The following CPLX3 variants were observed in gnomAD, a reference collection of about 807,000 sequenced individuals.
CPLX3 encodes complexin 3.
In CPLX3, 12 loss-of-function variants were observed where a neutral mutation model predicts 17.2. The observed-to-expected ratio is 0.70, with a 90% CI of 0.45 to 1.13. The LOEUF is 1.13. Ranked by LOEUF, CPLX3 falls within the 50% of genes most tolerant of loss-of-function variation. The pLI, the probability that CPLX3 is intolerant of heterozygous loss-of-function variation, is 0.00. For synonymous variants in CPLX3, 75 were observed against 79.4 expected (o/e 0.94, Z 0.29); for missense variants, 172 against 203.2 (o/e 0.85, Z 0.93).
At position 74,826,630 on chromosome 15, in the gene CPLX3, G is replaced by C; in HGVS notation, c.-74G>C. On this transcript the variant is annotated 5_prime_UTR_variant, in exon 1 of 3. Coordinates refer to ENST00000395018, the MANE Select transcript of CPLX3 (RefSeq NM_001030005.3). The surrounding 1 kb of genome is among the most constrained non-coding windows in gnomAD (Gnocchi z 5.0). Reference sequence around the variant, plus strand: ...GCGGGAGCTGTCCGCGAAACCTAGTGCTGAAGTAGGCGCGGACGTGCCCGG... The same window carrying C: ...GCGGGAGCTGTCCGCGAAACCTAGTCCTGAAGTAGGCGCGGACGTGCCCGG... The C allele has an allele frequency of 6.7e-7, 1 of 1,498,002 alleles. No homozygotes were observed. The highest frequency in any genetic ancestry group is 8.9e-7 in the Non-Finnish European group (1 of 1,117,354). 92.8% of individuals were successfully genotyped at this position (1,498,002 alleles called of 1,614,324 possible). A position where few individuals can be genotyped will look rare whatever the true frequency, so the allele number is the denominator to read the frequency against.
At position 74,830,184 on chromosome 15, in the gene CPLX3, C is replaced by A. The variant is rs140289965; in HGVS notation, c.307C>A (p.Arg103=). The A allele has an allele frequency of 1.8e-3, 2,981 of 1,613,860 alleles. 8 individuals are homozygous for A. Among genetic ancestry groups the A allele is most frequent in the Non-Finnish European group, 2.4e-3 (2,824 of 1,179,992 alleles). ...GGCAGGTGGAGACGTGGAGCTGCCC[C>A]GGGAGCTGGCCAAGATGATCGAGGA... is the stretch of plus-strand genomic sequence containing the variant. ...QMAGGDVELP[R]ELAKMIEEDT... The change falls in exon 3 of 3, where the codon CGG becomes AGG. Residue 103 remains arginine, a synonymous_variant. Coordinates refer to ENST00000395018, the MANE Select transcript of CPLX3 (RefSeq NM_001030005.3).
rs1001954445 is a variant in CPLX3, at chr15:74,826,764, G to A, written c.61G>A (p.Gly21Arg). The change falls in exon 1 of 3, where the codon GGA (glycine) becomes AGA (arginine). Residue 21 changes from glycine to arginine, a missense_variant. Physicochemically the swap from Gly to Arg is moderately radical, Grantham distance 125 (BLOSUM62 -2). Transcript: ENST00000395018. The surrounding 1 kb of genome is among the most constrained non-coding windows in gnomAD (Gnocchi z 5.0). Reference sequence around the variant, plus strand: ...GCTGAAGAACCTCACTGGGAGCCTGGGAGGCGGCGAGGATAAGGGAGATGG... The same window carrying A: ...GCTGAAGAACCTCACTGGGAGCCTGAGAGGCGGCGAGGATAAGGGAGATGG... ...GQLKNLTGSL[G>R]GGEDKGDGDK... is the part of the protein sequence containing the mutation. 6.2e-7 allele frequency: 1 copy of A among 1,610,844 alleles called. No homozygotes were observed. Among genetic ancestry groups the A allele is most frequent in the Non-Finnish European group, 8.5e-7 (1 of 1,178,512 alleles).
chr15:74,830,009 A>AG (rs1792493343), intron 2 of CPLX3, 121 bp from the exon 3 acceptor site: 2 of 735,800 alleles, frequency 2.7e-6, no homozygotes, highest in African/African-American at 3.6e-5. Flanking sequence ...AAAAAAAAAA[A>AG]AAAAGAAAAA....
rs2063961311 is a variant in CPLX3 at position 74,830,024 on chromosome 15, A to C, written c.253-106A>C. The C allele has an allele frequency of 6.6e-6, 5 of 761,500 alleles. No individual in the cohort carries two copies. In the South Asian group the frequency reaches 9.4e-5, roughly 14 times the overall value. The allele number at this position is 761,500 out of a possible 1,614,324, so 47.2% of individuals were successfully genotyped here. A position where few individuals can be genotyped will look rare whatever the true frequency, so the allele number is the denominator to read the frequency against. On this transcript the variant is annotated intron_variant, in intron 2 of 2. Coordinates refer to ENST00000395018, the MANE Select transcript of CPLX3 (RefSeq NM_001030005.3). ...AAAAAAAAAAAAAAAGAAAAAATAG[A>C]ATCTAGGGGCCTGGAACCCAGTCCA... is the stretch of plus-strand genomic sequence containing the variant.
rs2063967635 is a variant in CPLX3, at chr15:74,831,183, A to G, written c.*829A>G. ...CTGTAGAACGCTCTCTGGATTCCAT[A>G]GCTGGAATCTCCTCTCTTAGCTCAG... On this transcript the variant is annotated 3_prime_UTR_variant, in exon 3 of 3. Coordinates refer to ENST00000395018, the MANE Select transcript of CPLX3 (RefSeq NM_001030005.3). 1 of 152,652 alleles carries G rather than the reference A, an allele frequency of 6.6e-6. No individual in the cohort carries two copies. 9.5% of individuals were successfully genotyped at this position (152,652 alleles called of 1,614,324 possible).
At chr15:74,827,813 C>T (rs2063950427) in intron 1 of CPLX3, among the ~76,000 whole-genome samples, 1 of 152,214 alleles carries the variant, frequency 6.6e-6, no homozygotes, top group South Asian at 2.1e-4. Context: ...GACAGACTGC[C>T]ACCCTGGTTC....
chr15:74,826,641 C>T lies in CPLX3; in HGVS notation c.-63C>T. ...CCGCGAAACCTAGTGCTGAAGTAGGCGCGGACGTGCCCGGTGCCTGGCGCG... is the reference window on the plus strand; with the variant it reads ...CCGCGAAACCTAGTGCTGAAGTAGGTGCGGACGTGCCCGGTGCCTGGCGCG... On this transcript the variant is annotated 5_prime_UTR_variant, in exon 1 of 3. Coordinates refer to ENST00000395018, the MANE Select transcript of CPLX3 (RefSeq NM_001030005.3). This position sits in a 1 kb window ranked among gnomAD's most constrained non-coding sequence, Gnocchi z 5.0. 3 of 1,545,396 alleles carry T rather than the reference C, an allele frequency of 1.9e-6. No homozygotes were observed. Among genetic ancestry groups the T allele is most frequent in the Non-Finnish European group, 1.7e-6 (2 of 1,143,118 alleles).
In CPLX3 at chr15:74,831,245, C is replaced by T. The variant is rs939286453; in HGVS notation, c.*891C>T. The T allele has an allele frequency of 3.3e-5, 5 of 152,408 alleles. No homozygotes were observed. The highest frequency in any genetic ancestry group is 7.3e-5 in the Non-Finnish European group (5 of 68,072). 9.4% of individuals were successfully genotyped at this position (152,408 alleles called of 1,614,324 possible). On this transcript the variant is annotated 3_prime_UTR_variant, in exon 3 of 3. Coordinates refer to ENST00000395018, the MANE Select transcript of CPLX3 (RefSeq NM_001030005.3). ...AATCCCAAATGGTGTGCCTACCTTC[C>T]CACTTCTTACTGGCTTCCAGGAGTC... is the stretch of plus-strand genomic sequence containing the variant.
rs28681141 is a variant in CPLX3, at chr15:74,830,574, C to T, written c.*220C>T. The stretch of plus-strand genomic sequence containing the variant: ...TACCCTTCAGGACCCTCCCCACCAG[C>T]TCAGCCTGTGGAGGCCTCCCAAGAT... On this transcript the variant is annotated 3_prime_UTR_variant, in exon 3 of 3. Transcript: ENST00000395018. 2 of 546,586 alleles carry T rather than the reference C, an allele frequency of 3.7e-6. No individual in the cohort carries two copies. Among genetic ancestry groups the T allele is most frequent in the Admixed American group, 6.3e-5 (2 of 31,530 alleles). 33.9% of individuals were successfully genotyped at this position (546,586 alleles called of 1,614,324 possible).
chr15:74,829,824 G>T (rs189653913), intron 2 of CPLX3, among the ~76,000 whole-genome samples: 1 of 152,130 alleles, frequency 6.6e-6, no homozygotes, highest in African/African-American at 2.4e-5. Flanking sequence ...CTTGATCCTG[G>T]GATGTGGGGG....
intron 1 of CPLX3, 139 bp from the exon 2 acceptor site, chr15:74,827,895 C>A: frequency 1.5e-6 from 1 of 667,320 alleles, no homozygotes; most frequent in Admixed American, 2.5e-5. Context: ...CCTGGATGTC[C>A]GGGTTGGAGC....
rs1318201300 is a variant in CPLX3, at chr15:74,830,630, T to C, written c.*276T>C. The C allele has an allele frequency of 2.5e-6, 1 of 407,350 alleles. No individual in the cohort carries two copies. The highest frequency in any genetic ancestry group is 4.6e-5 in the East Asian group (1 of 21,670). The allele number at this position is 407,350 out of a possible 1,614,324, so 25.2% of individuals were successfully genotyped here. On this transcript the variant is annotated 3_prime_UTR_variant, in exon 3 of 3. Transcript: ENST00000395018. The stretch of plus-strand genomic sequence containing the variant: ...GAATAGGCCCATCCCTCTCTGGCCA[T>C]GGCCCCAAGTTCCTGCACACAGGAG...
At position 74,826,729 on chromosome 15, in the gene CPLX3, T is replaced by C; in HGVS notation, c.26T>C (p.Val9Ala). Residue 9 changes from valine (V) to alanine (A), a missense_variant, in exon 1 of 3, where the codon GTG becomes GCG. Physicochemically the swap from Val to Ala is moderately conservative, Grantham distance 64. Transcript: ENST00000395018. The surrounding 1 kb of genome is among the most constrained non-coding windows in gnomAD (Gnocchi z 5.0). Reference protein sequence around the residue: MAFMVKTMVGGQLKNLTGS... With the variant: MAFMVKTMAGGQLKNLTGS... ...ATGGCGTTCATGGTGAAGACCATGG[T>C]GGGCGGCCAGCTGAAGAACCTCACT... is the stretch of plus-strand genomic sequence containing the variant. 6.2e-7 allele frequency: 1 copy of C among 1,610,862 alleles called. No homozygotes were observed. The highest frequency in any genetic ancestry group is 8.5e-7 in the Non-Finnish European group (1 of 1,178,588).
intron 2 of CPLX3, among the ~76,000 whole-genome samples, chr15:74,828,873 A>C (rs190442104): frequency 6.6e-6 from 1 of 152,230 alleles, no homozygotes; most frequent in African/African-American, 2.4e-5. Context: ...TGGGCAGTGC[A>C]CCACCAGATG....
Position 74,826,696 on chromosome 15 carries a change from C to G in CPLX3, c.-8C>G. On this transcript the variant is annotated 5_prime_UTR_variant, in exon 1 of 3. Coordinates refer to ENST00000395018, the MANE Select transcript of CPLX3 (RefSeq NM_001030005.3). The surrounding 1 kb of genome is among the most constrained non-coding windows in gnomAD (Gnocchi z 5.0). The stretch of plus-strand genomic sequence containing the variant: ...AGCAGGCGCCCGGTGCCCCGGCCGG[C>G]GAAGACCATGGCGTTCATGGTGAAG... 1.9e-6 allele frequency: 3 copies of G among 1,602,920 alleles called. No individual in the cohort carries two copies. The highest frequency in any genetic ancestry group is 4.7e-5 in the East Asian group (2 of 42,854).
Position 74,826,675 on chromosome 15 carries a change from G to A in CPLX3, c.-29G>A, listed in dbSNP as rs2063944291. 6.3e-7 allele frequency: 1 copy of A among 1,594,636 alleles called. No individual in the cohort carries two copies. ...GCCCGGTGCCTGGCGCGTGGTAGCAGGCGCCCGGTGCCCCGGCCGGCGAAG... is the reference window on the plus strand; with the variant it reads ...GCCCGGTGCCTGGCGCGTGGTAGCAAGCGCCCGGTGCCCCGGCCGGCGAAG... On this transcript the variant is annotated 5_prime_UTR_variant, in exon 1 of 3. Coordinates refer to ENST00000395018, the MANE Select transcript of CPLX3 (RefSeq NM_001030005.3). This position sits in a 1 kb window ranked among gnomAD's most constrained non-coding sequence, Gnocchi z 5.0.
Position 74,830,423 on chromosome 15 carries a change from C to T in CPLX3, c.*69C>T, listed in dbSNP as rs867613978. The stretch of plus-strand genomic sequence containing the variant: ...CTAAGAGTGTGTCAACTTCCAGGGA[C>T]CCATACTCCATTTGGGGCTTTGTTT... On this transcript the variant is annotated 3_prime_UTR_variant, in exon 3 of 3. Coordinates refer to ENST00000395018, the MANE Select transcript of CPLX3 (RefSeq NM_001030005.3). The T allele has an allele frequency of 1.1e-5, 14 of 1,290,482 alleles. No homozygotes were observed. The highest frequency in any genetic ancestry group is 1.4e-5 in the Non-Finnish European group (13 of 915,510). 79.9% of individuals were successfully genotyped at this position (1,290,482 alleles called of 1,614,324 possible).
At position 74,830,237 on chromosome 15, in the gene CPLX3, C is replaced by A. The variant is rs1215454008; in HGVS notation, c.360C>A (p.Ala120=). The change falls in exon 3 of 3, where the codon GCC becomes GCA. Residue 120 remains alanine (A), a synonymous_variant. Coordinates refer to ENST00000395018, the MANE Select transcript of CPLX3 (RefSeq NM_001030005.3). The part of the protein sequence containing the change: ...EEDTEEEEEK[A]SVLGQLASLP... The stretch of plus-strand genomic sequence containing the variant: ...ACACAGAGGAGGAGGAGGAGAAGGC[C>A]TCAGTCCTTGGGCAGCTGGCCAGCC... 6.2e-7 allele frequency: 1 copy of A among 1,613,940 alleles called. No individual in the cohort carries two copies.
chr15:74,829,070 A>G (rs765657423), intron 2 of CPLX3, among the ~76,000 whole-genome samples: 1 of 152,186 alleles, frequency 6.6e-6, no homozygotes, highest in Non-Finnish European at 1.5e-5. Flanking sequence ...ACATTCACTC[A>G]TTCAACAAAT....
Sources: gnomAD v4.1 joint callset for allele counts (sites outside exome capture counted in the v4.1 genomes callset) on GRCh38, gnomAD v4.1.1 for gene constraint, Gnocchi (gnomAD v3.1) non-coding constraint, MANE v1.5 for transcripts, NCBI Gene and HGNC (gene_info 2026-07-23, HGNC 2026-07-21) for gene names.